Variants in PCDHA1 observed in about 807,000 individuals in gnomAD.
PCDHA1 encodes the protein protocadherin alpha-1.
A neutral mutation model predicts 61.3 loss-of-function variants in PCDHA1; 42 were observed. The ratio of observed to expected loss-of-function variants is 0.69; its 90% CI spans 0.54 to 0.89. The LOEUF is 0.89. PCDHA1 is among the 40% of genes least tolerant of loss of function. The pLI is 0.00. For missense variants in PCDHA1, 1,256 were observed against 1,235.3 expected (o/e 1.02, Z -0.25); for synonymous variants, 610 against 553.8 (o/e 1.10, Z -1.43).
intron 1 of PCDHA1, among the ~76,000 whole-genome samples, chr5:140,909,201 C>T (rs1379290108): frequency 2.0e-5 from 3 of 152,136 alleles, no homozygotes; most frequent in South Asian, 2.1e-4. Context: ...GACACAAAGC[C>T]GGAGAGTTGA....
intron 1 of PCDHA1, chr5:140,849,857 G>T (rs2150454251): frequency 1.9e-6 from 3 of 1,598,510 alleles, no homozygotes; most frequent in African/African-American, 2.7e-5. Context: ...ACGCACCAGC[G>T]TTCGCGCAGT....
intron 1 of PCDHA1, among the ~76,000 whole-genome samples, chr5:140,947,805 G>T (rs1474604810): frequency 6.6e-6 from 1 of 151,504 alleles, no homozygotes; most frequent in Non-Finnish European, 1.5e-5. Flanking sequence ...TTAATTTGCA[G>T]AGACTATTTC....
chr5:140,822,880 G>A (rs1405488248), intron 1 of PCDHA1: 6 of 1,614,120 alleles, frequency 3.7e-6, no homozygotes, highest in Non-Finnish European at 5.1e-6. Context: ...CACGGTCATT[G>A]CTCTGATCAG....
chr5:140,879,402 T>C (rs571790), intron 1 of PCDHA1, among the ~76,000 whole-genome samples: 2,265 of 152,304 alleles, frequency 0.015, 52 homozygotes, highest in African/African-American at 0.052. Context: ...TTTGTGTGTA[T>C]TTGAGCAGGT....
At position 140,877,266 on chromosome 5, in the gene PCDHA1, C is replaced by A. The variant is rs2056980298; in HGVS notation, c.2394+88582C>A. The A allele has an allele frequency of 4.3e-6, 7 of 1,613,808 alleles. No individual in the cohort carries two copies. The South Asian group carries it at 5.5e-5, about 13-fold the overall frequency. ...TGGTGGCGAAAGTGCGCGCGGTGGA[C>A]GCTGACTCCGGCTATAACGCTTGGC... On this transcript the variant is annotated intron_variant, in intron 1 of 3. Transcript: ENST00000504120.
rs2150150778 is a variant in PCDHA1 at position 140,828,083 on chromosome 5, G to A, written c.2394+39399G>A. Reference sequence around the variant, plus strand: ...TCTTCTAATGGAAATAAAACCAGAGGTATTTGACATGGTGTTTACCCCGGA... The same window carrying A: ...TCTTCTAATGGAAATAAAACCAGAGATATTTGACATGGTGTTTACCCCGGA... On this transcript the variant is annotated intron_variant, in intron 1 of 3. Transcript: ENST00000504120. The A allele has an allele frequency of 5.0e-6, 8 of 1,588,704 alleles. No homozygotes were observed. In the Admixed American group the frequency reaches 7.1e-5, roughly 14 times the overall value.
intron 1 of PCDHA1, chr5:140,828,427 G>A: frequency 6.2e-7 from 1 of 1,614,282 alleles, no homozygotes; most frequent in Non-Finnish European, 8.5e-7. Context: ...TCGTGGACAG[G>A]CCGCTGCAGG....
chr5:140,886,328 C>T (rs1554182483), intron 1 of PCDHA1, among the ~76,000 whole-genome samples: 1 of 151,922 alleles, frequency 6.6e-6, no homozygotes, highest in African/African-American at 2.4e-5. Context: ...TTCTGGGATA[C>T]ATGTGCAGAA....
chr5:140,993,397 T>C (rs2097553822), intron 3 of PCDHA1, among the ~76,000 whole-genome samples: 2 of 151,682 alleles, frequency 1.3e-5, no homozygotes, highest in Admixed American at 1.3e-4. Context: ...ACTCCATCAT[T>C]AACCACCTTC....
chr5:140,867,681 A>T (rs759356211), intron 1 of PCDHA1: 1 of 152,096 alleles, frequency 6.6e-6, no homozygotes, highest in African/African-American at 2.4e-5. Context: ...ATTTTGTTGC[A>T]TCTTCTTTTT....
At chr5:140,996,947 T>C (rs1224598113) in intron 3 of PCDHA1, among the ~76,000 whole-genome samples, 2 of 152,176 alleles carry the variant, frequency 1.3e-5, no homozygotes, top group Non-Finnish European at 2.9e-5. Context: ...CATAGAAATA[T>C]TTATTTCCCT....
At chr5:140,883,316 G>A in intron 1 of PCDHA1, 1 of 1,614,078 alleles carries the variant, frequency 6.2e-7, no homozygotes, top group East Asian at 2.2e-5. Context: ...CGCCCCAGAG[G>A]TTACCATCAC....
chr5:140,802,954 G>C, intron 1 of PCDHA1: 1 of 1,613,930 alleles, frequency 6.2e-7, no homozygotes, highest in Non-Finnish European at 8.5e-7. Context: ...CGGTCAGTGG[G>C]TGCGGGCCAC....
intron 1 of PCDHA1, chr5:140,810,570 AAGTTGAGTACCTTT>A (rs1764685550): frequency 6.6e-6 from 1 of 152,366 alleles, no homozygotes; most frequent in South Asian, 2.1e-4. Flanking sequence ...TATTTAAATG[AAGTTGAGTACCTTT>A]CTATTTTATT....
chr5:140,796,030 T>C, intron 1 of PCDHA1: 1 of 1,614,200 alleles, frequency 6.2e-7, no homozygotes, highest in South Asian at 1.1e-5. Flanking sequence ...AACGTCTCTC[T>C]CACTTCCCAT....
chr5:140,865,144 T>G (rs2048753153), intron 1 of PCDHA1: 1 of 152,224 alleles, frequency 6.6e-6, no homozygotes, highest in East Asian at 1.9e-4. Context: ...AATTTAACAT[T>G]GTATACTTTT....
chr5:140,969,190 T>C, intron 1 of PCDHA1: 2 of 1,614,072 alleles, frequency 1.2e-6, no homozygotes, highest in Non-Finnish European at 1.7e-6. Flanking sequence ...CTTTCATGTT[T>C]TACAATACAG....
chr5:140,954,488 T>C (rs1270188262), intron 1 of PCDHA1, among the ~76,000 whole-genome samples: 1 of 152,246 alleles, frequency 6.6e-6, no homozygotes, highest in Non-Finnish European at 1.5e-5. Flanking sequence ...AGATATTTCA[T>C]TGTGGTTTTG....
In PCDHA1 at chr5:140,967,673, C is replaced by T. The variant is rs1563368144; in HGVS notation, c.2395-11276C>T. On this transcript the variant is annotated intron_variant, in intron 1 of 3. Transcript: ENST00000504120. ...CTCCTTGAGCAGCTACACGTCGGAC[C>T]GGGAGAGGCAGCTCTTCAGCATAGA... The T allele has an allele frequency of 2.5e-6, 4 of 1,614,130 alleles. No homozygotes were observed. In the East Asian group the frequency reaches 6.7e-5, roughly 27 times the overall value.
Sources: gnomAD v4.1 joint callset for allele counts (sites outside exome capture counted in the v4.1 genomes callset) on GRCh38, gnomAD v4.1.1 for gene constraint, MANE v1.5 for transcripts, NCBI Gene and HGNC (gene_info 2026-07-23, HGNC 2026-07-21) for gene names.